The following GNA14 variants were observed in gnomAD, a reference collection of about 807,000 sequenced individuals.
GNA14 encodes guanine nucleotide-binding protein subunit alpha-14.
Under a neutral mutation model 42.0 loss-of-function variants are expected in GNA14, and 50 were observed. The observed-to-expected ratio is 1.19, with a 90% confidence interval of 0.95 to 1.51. The LOEUF (loss-of-function observed/expected upper bound fraction) is 1.51. Ranked by LOEUF, GNA14 falls within the 40% of genes most tolerant of loss-of-function variation. The pLI is 0.00. For synonymous variants in GNA14, 173 were observed against 163.1 expected, an observed-to-expected ratio of 1.06 and a Z score of -0.46; for missense variants, 473 against 446.2, an observed-to-expected ratio of 1.06 and a Z score of -0.54.
chr9:77,460,815 G>A (rs1027817362), intron 2 of GNA14, among the ~76,000 whole-genome samples: 4 of 152,188 alleles, frequency 2.6e-5, no homozygotes, highest in Non-Finnish European at 4.4e-5. Context: ...CACAGGCTGT[G>A]GGGCGTGGAT....
chr9:77,474,019 T>A (rs1245075227), intron 2 of GNA14, among the ~76,000 whole-genome samples: 2 of 152,178 alleles, frequency 1.3e-5, no homozygotes, highest in African/African-American at 4.8e-5. Context: ...AAATAGATCA[T>A]TTATCTAAAC....
At chr9:77,527,780 C>G (rs987225098) in intron 2 of GNA14, among the ~76,000 whole-genome samples, 1 of 152,174 alleles carries the variant, frequency 6.6e-6, no homozygotes, top group Non-Finnish European at 1.5e-5. Flanking sequence ...ATTACAGGTG[C>G]CTGCCACCAC....
At chr9:77,427,273 A>C (rs1281980367) in intron 5 of GNA14, among the ~76,000 whole-genome samples, 1 of 152,026 alleles carries the variant, frequency 6.6e-6, no homozygotes, top group Non-Finnish European at 1.5e-5. Flanking sequence ...ATAATTCCTG[A>C]AACAAATTTG....
At chr9:77,527,103 A>C (rs1180025633) in intron 2 of GNA14, among the ~76,000 whole-genome samples, 1 of 152,164 alleles carries the variant, frequency 6.6e-6, no homozygotes, top group Admixed American at 6.5e-5. Context: ...TTGCCCAGTC[A>C]CCTCACCATG....
At chr9:77,443,285 A>G (rs1483576481) in intron 2 of GNA14, among the ~76,000 whole-genome samples, 8 of 152,252 alleles carry the variant, frequency 5.3e-5, no homozygotes, top group African/African-American at 1.9e-4. Flanking sequence ...ATACTTTTAA[A>G]AGCATATCTA....
intron 1 of GNA14, among the ~76,000 whole-genome samples, chr9:77,624,164 C>A (rs1823977811): frequency 6.6e-6 from 1 of 152,186 alleles, no homozygotes; most frequent in African/African-American, 2.4e-5. Context: ...GAAGTTCCAA[C>A]AGAGCAGATC....
intron 1 of GNA14, among the ~76,000 whole-genome samples, chr9:77,595,283 T>C (rs1437082496): frequency 6.6e-6 from 1 of 152,214 alleles, no homozygotes; most frequent in Non-Finnish European, 1.5e-5. Flanking sequence ...TTGAGGAGAC[T>C]AGGTGGATAA....
intron 2 of GNA14, among the ~76,000 whole-genome samples, chr9:77,522,579 G>A (rs1837375774): frequency 6.6e-6 from 1 of 152,182 alleles, no homozygotes; most frequent in Non-Finnish European, 1.5e-5. Flanking sequence ...CAGAAAAGCA[G>A]AATCCAAATT....
chr9:77,646,761 A>C (rs1824359138), intron 1 of GNA14, among the ~76,000 whole-genome samples: 1 of 152,250 alleles, frequency 6.6e-6, no homozygotes, highest in African/African-American at 2.4e-5. Context: ...AATATTCCTC[A>C]AACAGCAAAT....
At chr9:77,433,923 C>T (rs1393468597) in intron 3 of GNA14, among the ~76,000 whole-genome samples, 1 of 152,152 alleles carries the variant, frequency 6.6e-6, no homozygotes, top group Non-Finnish European at 1.5e-5. Flanking sequence ...CTAAACTTGA[C>T]TTTAGATTTT....
intron 2 of GNA14, among the ~76,000 whole-genome samples, chr9:77,499,066 A>G (rs1328961747): frequency 6.6e-6 from 1 of 152,220 alleles, no homozygotes; most frequent in African/African-American, 2.4e-5. Context: ...GAACAATGGG[A>G]AAAATGCTAC....
chr9:77,597,887 C>T (rs1011190776), intron 1 of GNA14, among the ~76,000 whole-genome samples: 9 of 151,822 alleles, frequency 5.9e-5, no homozygotes, highest in African/African-American at 2.2e-4. Context: ...CATGGTGAAA[C>T]CCCATCTCCA....
At chr9:77,647,170 T>C (rs1227470964) in intron 1 of GNA14, among the ~76,000 whole-genome samples, 3 of 152,194 alleles carry the variant, frequency 2.0e-5, no homozygotes, top group Non-Finnish European at 4.4e-5. Flanking sequence ...GTTTTAATTC[T>C]CTAGAATAGC....
intron 1 of GNA14, among the ~76,000 whole-genome samples, chr9:77,643,769 T>G (rs1824307742): frequency 6.6e-6 from 1 of 152,184 alleles, no homozygotes. Flanking sequence ...ACATTTCTGT[T>G]AAAGCACTAC....
At chr9:77,622,764 G>A (rs1293486722) in intron 1 of GNA14, among the ~76,000 whole-genome samples, 2 of 150,166 alleles carry the variant, frequency 1.3e-5, no homozygotes, top group Non-Finnish European at 1.5e-5. Flanking sequence ...CGTGGTGGCG[G>A]GTGCCTGTAG....
chr9:77,583,786 A>G (rs1823261706), intron 1 of GNA14, among the ~76,000 whole-genome samples: 1 of 152,150 alleles, frequency 6.6e-6, no homozygotes, highest in Non-Finnish European at 1.5e-5. Flanking sequence ...GACTCAGTAC[A>G]TCTGGGGTGT....
intron 2 of GNA14, among the ~76,000 whole-genome samples, chr9:77,505,286 C>G (rs1041029328): frequency 1.3e-5 from 2 of 152,168 alleles, no homozygotes; most frequent in Non-Finnish European, 2.9e-5. Context: ...CTTTCAATCT[C>G]TTTAAATAAA....
chr9:77,500,849 A>C (rs1836954476), intron 2 of GNA14, among the ~76,000 whole-genome samples: 1 of 152,218 alleles, frequency 6.6e-6, no homozygotes, highest in Admixed American at 6.5e-5. Context: ...GTTTTTGGCT[A>C]TTACAAATAA....
At chr9:77,489,886 C>T (rs569101206) in intron 2 of GNA14, among the ~76,000 whole-genome samples, 247 of 152,208 alleles carry the variant, frequency 1.6e-3, no homozygotes, top group African/African-American at 4.1e-3. Context: ...ACAAAGCTTC[C>T]ACAATGTGGA....
Sources: allele counts gnomAD v4.1 joint callset (sites outside exome capture counted in the v4.1 genomes callset), GRCh38; gene constraint gnomAD v4.1.1; transcripts MANE v1.5; gene names NCBI Gene and HGNC (gene_info 2026-07-23, HGNC 2026-07-21).